APOB: variants seen among roughly 807,000 people sequenced by gnomAD.
APOB encodes apolipoprotein B-100.
Under a neutral mutation model 314.1 loss-of-function variants are expected in APOB, and 153 were observed. That is an observed-to-expected ratio of 0.49 (90% CI 0.43 to 0.56). APOB has a LOEUF of 0.56. Among genes scored for constraint, APOB ranks in the 20% least tolerant of loss-of-function variants. The probability of loss-of-function intolerance (pLI) is 0.00; values close to 1 mark genes in which losing one functional copy is unlikely to be tolerated. For missense variants in APOB, 5,430 were observed against 5,350.7 expected (o/e 1.01, Z -0.46); for synonymous variants, 2,087 against 2,036.4 (o/e 1.02, Z -0.67).
intron 20 of APOB, among the ~76,000 whole-genome samples, chr2:21,017,790 G>C (rs1240914978): frequency 6.6e-6 from 1 of 152,076 alleles, no homozygotes; most frequent in Admixed American, 6.5e-5. Flanking sequence ...GTAAAACAAT[G>C]TTTACCAAAC....
intron 14 of APOB, among the ~76,000 whole-genome samples, 187 bp downstream of exon 14, chr2:21,027,641 G>T (rs1018476830): frequency 6.6e-6 from 1 of 152,130 alleles, no homozygotes; most frequent in Admixed American, 6.5e-5. Context: ...AAGAAGTCAT[G>T]CTTCAGGTGA....
chr2:21,030,053 C>A, intron 10 of APOB, 38 bp from the exon 11 acceptor site: 1 of 1,354,516 alleles, frequency 7.4e-7, no homozygotes, highest in Non-Finnish European at 1.1e-6. Flanking sequence ...CTTGGTAACC[C>A]CAGTTAGGTT....
rs1267070362 is a variant in APOB, at chr2:21,007,581, T to C, written c.9287A>G (p.Tyr3096Cys). 16 of 1,613,996 alleles carry C rather than the reference T, an allele frequency of 9.9e-6. No individual in the cohort carries two copies. The highest frequency in any genetic ancestry group is 1.4e-5 in the Non-Finnish European group (16 of 1,179,966). The change falls in exon 26 of 29, where the codon TAT becomes TGT. Residue 3096 changes from tyrosine to cysteine, a missense_variant. Tyr to Cys is a radical substitution (Grantham distance 194). This residue lies in a region of APOB where 3,281 missense variants were observed against 3,171.0 expected (regional missense o/e 1.03). Coordinates refer to ENST00000233242, the MANE Select transcript of APOB (RefSeq NM_000384.3). The part of the protein sequence containing the change: ...SWQVSARFNQ[Y>C]KYNQNFSAGN... The stretch of plus-strand genomic sequence containing the variant: ...AGCAGAGAAATTTTGGTTGTACTTA[T>C]ACTGATTGAACCTAGCACTTACTTG...
At position 21,033,621 on chromosome 2, in the gene APOB, G is replaced by C. The variant is rs978976099; in HGVS notation, c.905-103C>G. On this transcript the variant is annotated intron_variant, in intron 8 of 28. Transcript: ENST00000233242. ...TGTGGAGTATCAGCACAGGGGAAAAGGGAAAGAAACTATCCTGTATTCAAT... is the reference window on the plus strand; with the variant it reads ...TGTGGAGTATCAGCACAGGGGAAAACGGAAAGAAACTATCCTGTATTCAAT... The C allele has an allele frequency of 5.0e-6, 5 of 999,210 alleles. No homozygotes were observed. In the African/African-American group the frequency reaches 7.9e-5, roughly 16 times the overall value. The allele number at this position is 999,210 out of a possible 1,614,324, so 61.9% of individuals were successfully genotyped here. A position where few individuals can be genotyped will look rare whatever the true frequency, so the allele number is the denominator to read the frequency against.
At position 21,007,538 on chromosome 2, in the gene APOB, A is replaced by T. The variant is rs13306195; in HGVS notation, c.9330T>A (p.Ile3110=). ...QNFSAGNNEN[I]MEAHVGINGE... is the part of the protein sequence containing the mutation. ...CATTTATTCCTACATGGGCCTCCAT[A>T]ATGTTCTCGTTGTTTCCAGCAGAGA... The change falls in exon 26 of 29, where the codon ATT becomes ATA. Residue 3110 remains isoleucine, a synonymous_variant. Transcript: ENST00000233242. 2 of 1,614,072 alleles carry T rather than the reference A, an allele frequency of 1.2e-6. No individual in the cohort carries two copies. The highest frequency in any genetic ancestry group is 4.5e-5 in the East Asian group (2 of 44,862).
chr2:21,004,244 G>A (rs774991173), intron 28 of APOB, 25 bp downstream of exon 28: 36 of 1,611,944 alleles, frequency 2.2e-5, no homozygotes, highest in Middle Eastern at 1.6e-4. Flanking sequence ...TCTTGGGGGC[G>A]TGTCACTCAT....
intron 3 of APOB, among the ~76,000 whole-genome samples, chr2:21,041,442 C>G (rs1558577429): frequency 6.6e-6 from 1 of 152,172 alleles, no homozygotes; most frequent in Non-Finnish European, 1.5e-5. Flanking sequence ...AGAAGAAAAA[C>G]AGAAAGCAGG....
rs770808629 is a variant in APOB, at chr2:21,012,342, G to A, written c.4526C>T (p.Pro1509Leu). ...CTCTCCATTGAGCCGGCCAGTGTTA[G>A]GATCCCTCTGACAAGACAGGCCATA... is the stretch of plus-strand genomic sequence containing the variant. ...GTYGLSCQRD[P>L]NTGRLNGESN... Residue 1509 changes from proline (P) to leucine (L), a missense_variant, in exon 26 of 29, where the codon CCT becomes CTT. By Grantham distance (98) the Pro-to-Leu change is moderately conservative. Around this residue, in one of 3 missense-constraint regions of APOB, gnomAD observed 2,085 missense variants for 2,079.7 expected, o/e 1.00. Transcript: ENST00000233242. The A allele has an allele frequency of 4.3e-6, 7 of 1,614,144 alleles. No individual in the cohort carries two copies. Among genetic ancestry groups the A allele is most frequent in the South Asian group, 3.3e-5 (3 of 91,066 alleles).
At chr2:21,029,554 T>A (rs1324038620) in intron 12 of APOB, 85 bp downstream of exon 12, 1 of 1,461,418 alleles carries the variant, frequency 6.8e-7, no homozygotes, top group African/African-American at 1.4e-5. Flanking sequence ...AGTCAGTAGA[T>A]GAAATCTAGA....
intron 3 of APOB, 98 bp from the exon 4 acceptor site, chr2:21,041,181 G>A (rs1472955308): frequency 7.8e-7 from 1 of 1,285,150 alleles, no homozygotes; most frequent in Non-Finnish European, 1.1e-6. Context: ...GCACCAAAGG[G>A]AATGGTGCTG....
At chr2:21,041,520 A>G (rs952805352) in intron 3 of APOB, among the ~76,000 whole-genome samples, 2 of 152,210 alleles carry the variant, frequency 1.3e-5, no homozygotes, top group African/African-American at 4.8e-5. Flanking sequence ...GGTTATATCT[A>G]TTAGGGCCTA....
At chr2:21,028,298 G>A in intron 13 of APOB, 29 bp downstream of exon 13, 1 of 1,567,740 alleles carries the variant, frequency 6.4e-7, no homozygotes, top group Non-Finnish European at 8.8e-7. Flanking sequence ...GGCCCTCAGT[G>A]GTATATGGGG....
Position 21,032,562 on chromosome 2 carries a change from A to C in APOB, c.1144T>G (p.Leu382Val). 6.2e-7 allele frequency: 1 copy of C among 1,614,106 alleles called. No individual in the cohort carries two copies. ...CACTGAGGCTGTCCACACTGAACCA[A>C]GGCTTGTAAAGTGATGGGGCTGAGA... ...EVSSPITLQA[L>V]VQCGQPQCST... is the part of the protein sequence containing the mutation. Residue 382 changes from leucine (L) to valine (V), a missense_variant, in exon 10 of 29, where the codon TTG becomes GTG. By Grantham distance (32) the Leu-to-Val change is conservative. Transcript: ENST00000233242.
intron 6 of APOB, among the ~76,000 whole-genome samples, chr2:21,036,859 G>A (rs148556302): frequency 4.2e-4 from 64 of 152,282 alleles, no homozygotes; most frequent in Non-Finnish European, 7.8e-4. Flanking sequence ...AGAAGGACAG[G>A]AGGAAAGACA....
chr2:21,001,664 AT>A lies in APOB; in HGVS notation c.*65del, dbSNP rs1662979193. Reference sequence around the variant, plus strand: ...GGTTTTATCAATATAGGCAGTTTGAATTTTTTCTGTGCTATGTGAAAGTTCA... The same window carrying A: ...GGTTTTATCAATATAGGCAGTTTGAATTTTTCTGTGCTATGTGAAAGTTCA... On this transcript the variant is annotated 3_prime_UTR_variant, in exon 29 of 29. Transcript: ENST00000233242. The A allele has an allele frequency of 7.1e-6, 11 of 1,551,504 alleles. No individual in the cohort carries two copies. Among genetic ancestry groups the A allele is most frequent in the African/African-American group, 1.4e-5 (1 of 73,196 alleles).
At position 21,007,110 on chromosome 2, in the gene APOB, A is replaced by G. The variant is rs1304430624; in HGVS notation, c.9758T>C (p.Val3253Ala). Residue 3253 changes from valine (V) to alanine (A), a missense_variant, in exon 26 of 29, where the codon GTT (valine) becomes GCT (alanine). By Grantham distance (64) the Val-to-Ala change is moderately conservative. Transcript: ENST00000233242. ...AGACACTTCAACATTGACAACTGGA[A>G]CAGTGTATCCAGGAATTTGAAAGGT... ...PRTFQIPGYT[V>A]PVVNVEVSPF... 5 of 1,613,922 alleles carry G rather than the reference A, an allele frequency of 3.1e-6. No individual in the cohort carries two copies. The highest frequency in any genetic ancestry group is 4.2e-6 in the Non-Finnish European group (5 of 1,179,952).
chr2:21,018,867 C>T (rs554498403), intron 20 of APOB, 125 bp downstream of exon 20: 10 of 1,416,532 alleles, frequency 7.1e-6, no homozygotes, highest in Admixed American at 1.8e-5. Context: ...TTAGAATAGG[C>T]CTGCCGCTTA....
intron 21 of APOB, among the ~76,000 whole-genome samples, chr2:21,016,071 C>T (rs1053802760): frequency 1.3e-5 from 2 of 151,924 alleles, no homozygotes; most frequent in Non-Finnish European, 2.9e-5. Flanking sequence ...AGGTGGATCA[C>T]GAGGTCAGGA....
At chr2:21,024,563 A>G (rs974971293) in intron 16 of APOB, 1 of 416,736 alleles carries the variant, frequency 2.4e-6, no homozygotes, top group African/African-American at 2.1e-5. Flanking sequence ...AGTTGCAGTG[A>G]GCCGAGATTG....
Sources: allele counts gnomAD v4.1 joint callset (sites outside exome capture counted in the v4.1 genomes callset), GRCh38; gene constraint gnomAD v4.1.1; regional missense constraint gnomAD v4.1.1; transcripts MANE v1.5; gene names NCBI Gene and HGNC (gene_info 2026-07-23, HGNC 2026-07-21).